The following SPOP variants were observed in gnomAD, a reference collection of about 807,000 sequenced individuals.
SPOP encodes speckle type BTB/POZ protein, also known as speckle-type POZ protein.
Under a neutral mutation model 45.6 loss-of-function variants are expected in SPOP, and 11 were observed. The ratio of observed to expected loss-of-function variants is 0.24; its 90% CI spans 0.15 to 0.40. The LOEUF is 0.40. Ranked by LOEUF, SPOP falls within the 10% of genes least tolerant of loss-of-function variation. SPOP has a pLI of 1.00. For synonymous variants in SPOP, 166 were observed against 166.3 expected, an observed-to-expected ratio of 1.00 and a Z score of 0.01; for missense variants, 152 against 465.6, an observed-to-expected ratio of 0.33 and a Z score of 6.20.
At chr17:49,670,957 T>C (rs2073128255) in intron 1 of SPOP, among the ~76,000 whole-genome samples, 1 of 152,316 alleles carries the variant, frequency 6.6e-6, no homozygotes, top group Admixed American at 6.5e-5. Flanking sequence ...GACGCACAGA[T>C]GTTTTTATAT....
rs536776633 is a variant in SPOP at position 49,674,538 on chromosome 17, T to C, written c.-67+3395A>G. Among the ~76,000 whole-genome samples the C allele has an allele frequency of 3.9e-5, 6 of 152,342 alleles. No homozygotes were observed. In the South Asian group the frequency reaches 8.3e-4, roughly 21 times the overall value. The stretch of plus-strand genomic sequence containing the variant: ...ACATATTTAATTATTTTCTATTTAT[T>C]TGAAGCTCATAGTGAAGTATTCTGC... On this transcript the variant is annotated intron_variant, in intron 1 of 9. Coordinates refer to ENST00000504102, the MANE Select transcript of SPOP (RefSeq NM_001007228.2).
At chr17:49,648,423 T>G (rs2072792171) in intron 1 of SPOP, among the ~76,000 whole-genome samples, 1 of 152,222 alleles carries the variant, frequency 6.6e-6, no homozygotes, top group Non-Finnish European at 1.5e-5. Flanking sequence ...AAGCCAAGAT[T>G]GTTTCCATCT....
At chr17:49,673,433 G>A (rs1207936092) in intron 1 of SPOP, among the ~76,000 whole-genome samples, 1 of 152,032 alleles carries the variant, frequency 6.6e-6, no homozygotes, top group African/African-American at 2.4e-5. Context: ...ATGAACCCAG[G>A]AGGCGGAGCT....
chr17:49,651,745 A>G (rs1240080763), intron 1 of SPOP, among the ~76,000 whole-genome samples: 4 of 152,212 alleles, frequency 2.6e-5, no homozygotes, highest in Admixed American at 2.6e-4. Context: ...TAGGCCCAAC[A>G]CGATGGCTCA....
chr17:49,620,432 C>T (rs1034072521), intron 3 of SPOP, among the ~76,000 whole-genome samples: 6 of 146,120 alleles, frequency 4.1e-5, no homozygotes, highest in South Asian at 2.1e-4. Flanking sequence ...CGTGCCACTG[C>T]ACTCCAGCCT....
intron 1 of SPOP, among the ~76,000 whole-genome samples, chr17:49,675,268 T>C (rs547659127): frequency 2.2e-4 from 34 of 152,288 alleles, no homozygotes; most frequent in South Asian, 1.0e-3. Flanking sequence ...ATCTACACAA[T>C]GGAATTATCT....
chr17:49,656,477 ACAC>A (rs1207903760), intron 1 of SPOP, among the ~76,000 whole-genome samples: 1 of 152,152 alleles, frequency 6.6e-6, no homozygotes, highest in Non-Finnish European at 1.5e-5. Context: ...CCTCTCCACT[ACAC>A]CACAACACAA....
chr17:49,647,313 T>TAAAAAA (rs1156781114), intron 1 of SPOP, among the ~76,000 whole-genome samples: 3 of 43,114 alleles, frequency 7.0e-5, no homozygotes, highest in African/African-American at 1.0e-4. Flanking sequence ...GATGCCGTCT[T>TAAAAAA]AAAAAAAAAA....
At chr17:49,665,950 G>A (rs1048030835) in intron 1 of SPOP, among the ~76,000 whole-genome samples, 4 of 148,394 alleles carry the variant, frequency 2.7e-5, no homozygotes, top group African/African-American at 5.0e-5. Flanking sequence ...CTGCACTCCA[G>A]CCTAGGCAAC....
intron 1 of SPOP, among the ~76,000 whole-genome samples, chr17:49,674,053 A>G (rs1191778454): frequency 6.6e-6 from 1 of 152,184 alleles, no homozygotes; most frequent in East Asian, 1.9e-4. Context: ...AGGCTGAGGC[A>G]GGAGAATAGC....
chr17:49,643,909 G>A (rs1341258581), intron 1 of SPOP, among the ~76,000 whole-genome samples: 2 of 146,446 alleles, frequency 1.4e-5, no homozygotes, highest in Admixed American at 6.9e-5. Context: ...CAGCCTGAGC[G>A]ACAGAGTGAG....
chr17:49,663,106 T>C (rs191981671), intron 1 of SPOP, among the ~76,000 whole-genome samples: 10 of 152,354 alleles, frequency 6.6e-5, no homozygotes, highest in Admixed American at 4.6e-4. Context: ...CGGCAGACCT[T>C]ACCGACCCAT....
chr17:49,647,392 A>C (rs1471968750), intron 1 of SPOP, among the ~76,000 whole-genome samples: 1 of 150,836 alleles, frequency 6.6e-6, no homozygotes, highest in Admixed American at 6.6e-5. Flanking sequence ...TGGAGACCTC[A>C]GCAAATCATT....
intron 1 of SPOP, 129 bp from the exon 2 acceptor site, chr17:49,623,005 C>G: frequency 1.9e-6 from 1 of 529,578 alleles, no homozygotes; most frequent in East Asian, 3.3e-5. Flanking sequence ...CACTGAGGTC[C>G]TAAAATTTTT....
At chr17:49,645,017 G>A (rs1420998441) in intron 1 of SPOP, among the ~76,000 whole-genome samples, 1 of 151,878 alleles carries the variant, frequency 6.6e-6, no homozygotes, top group Non-Finnish European at 1.5e-5. Context: ...ATGAATTCAG[G>A]AAAAATGGTA....
chr17:49,643,933 A>G (rs79131565), intron 1 of SPOP, among the ~76,000 whole-genome samples: 6 of 128,426 alleles, frequency 4.7e-5, no homozygotes, highest in African/African-American at 1.2e-4. Context: ...CGTCTCAAGG[A>G]AAAAAAAAAA....
rs961712115 is a variant in SPOP, at chr17:49,636,061, C to T, written c.-66-13185G>A. 3 of 152,328 alleles carry T rather than the reference C, an allele frequency of 2.0e-5. No individual in the cohort carries two copies. In the South Asian group the frequency reaches 6.2e-4, roughly 31 times the overall value. 9.4% of individuals were successfully genotyped at this position (152,328 alleles called of 1,614,324 possible). On this transcript the variant is annotated intron_variant, in intron 1 of 9. Transcript: ENST00000504102. ...TCACCCAGGCTGGAATGCAGTGGCA[C>T]AATTATGGCTCACTGCAGCCTAGAC...
intron 1 of SPOP, among the ~76,000 whole-genome samples, chr17:49,657,128 T>C (rs2072923292): frequency 6.6e-6 from 1 of 151,188 alleles, no homozygotes; most frequent in Non-Finnish European, 1.5e-5. Context: ...GAGCTTGCAG[T>C]GAGCCGAGAT....
intron 1 of SPOP, among the ~76,000 whole-genome samples, chr17:49,638,172 GA>G (rs2072577463): frequency 6.6e-6 from 1 of 152,244 alleles, no homozygotes; most frequent in South Asian, 2.1e-4. Context: ...GCTCAAAACA[GA>G]AACTGGGATA....
Sources: gnomAD v4.1 joint callset for allele counts (sites outside exome capture counted in the v4.1 genomes callset) on GRCh38, gnomAD v4.1.1 for gene constraint, MANE v1.5 for transcripts, NCBI Gene and HGNC (gene_info 2026-07-23, HGNC 2026-07-21) for gene names.